TENM3: variants seen among roughly 807,000 people sequenced by gnomAD.
TENM3 encodes the protein teneurin-3.
A neutral mutation model predicts 255.1 loss-of-function variants in TENM3; 63 were observed. That is an observed-to-expected ratio of 0.25 (90% CI 0.20 to 0.30). The LOEUF (loss-of-function observed/expected upper bound fraction) is 0.30, where lower values mean the gene tolerates loss of function less well. Ranked by LOEUF, TENM3 falls within the 10% of genes least tolerant of loss-of-function variation. The probability of loss-of-function intolerance (pLI) is 1.00; values close to 1 mark genes in which losing one functional copy is unlikely to be tolerated. For synonymous variants in TENM3, 1,306 were observed against 1,322.3 expected (o/e 0.99, Z 0.27); for missense variants, 2,929 against 3,461.1 (o/e 0.85, Z 3.86).
chr4:182,553,056 G>A (rs1272252313), intron 3 of TENM3, among the ~76,000 whole-genome samples: 1 of 152,034 alleles, frequency 6.6e-6, no homozygotes, highest in Non-Finnish European at 1.5e-5. Context: ...TAAATATATC[G>A]TAATTTGCTT....
chr4:181,889,724 G>A, the TENM3 span, among the ~76,000 whole-genome samples: 1 of 152,120 alleles, frequency 6.6e-6, no homozygotes, highest in African/African-American at 2.4e-5. Context: ...TTCCATTGTA[G>A]TATTTTCTGG....
intron 19 of TENM3, among the ~76,000 whole-genome samples, chr4:182,747,108 A>G (rs867503704): frequency 3.9e-5 from 6 of 152,312 alleles, no homozygotes; most frequent in Middle Eastern, 6.8e-3. Context: ...TGAGAGGCTT[A>G]GGAACAGGTC....
chr4:182,434,841 T>G (rs1269912164), intron 3 of TENM3, among the ~76,000 whole-genome samples: 1 of 152,118 alleles, frequency 6.6e-6, no homozygotes, highest in Non-Finnish European at 1.5e-5. Flanking sequence ...CCAAGGGTGA[T>G]GATTGGTCAT....
chr4:181,600,878 T>C, the TENM3 span, among the ~76,000 whole-genome samples: 74 of 152,074 alleles, frequency 4.9e-4, no homozygotes, highest in African/African-American at 1.7e-3. Flanking sequence ...AGTCTCAATT[T>C]GGGTTCAGGT....
At chr4:181,785,516 C>T in the TENM3 span, among the ~76,000 whole-genome samples, 21 of 151,990 alleles carry the variant, frequency 1.4e-4, no homozygotes, top group South Asian at 8.3e-4. Context: ...AATATGTATG[C>T]GCATATACAC....
the TENM3 span, among the ~76,000 whole-genome samples, chr4:182,065,084 G>A: frequency 6.7e-6 from 1 of 149,778 alleles, no homozygotes; most frequent in Admixed American, 6.7e-5. Flanking sequence ...GCCCAGGCTG[G>A]AGTGCAGTGG....
intron 3 of TENM3, among the ~76,000 whole-genome samples, chr4:182,457,923 T>G (rs1354938005): frequency 6.6e-6 from 1 of 152,200 alleles, no homozygotes; most frequent in East Asian, 1.9e-4. Context: ...TTGTTTTGAT[T>G]TTAGTCCTAA....
the TENM3 span, among the ~76,000 whole-genome samples, chr4:181,524,940 A>C: frequency 6.6e-6 from 1 of 152,238 alleles, no homozygotes; most frequent in Non-Finnish European, 1.5e-5. Flanking sequence ...AAGTATGCAC[A>C]TGACTCTCAC....
At chr4:182,795,755 G>A in intron 26 of TENM3, among the ~76,000 whole-genome samples, 1 of 152,214 alleles carries the variant, frequency 6.6e-6, no homozygotes, top group East Asian at 1.9e-4. Context: ...GAATGCCATA[G>A]CAGCATTTTC....
the TENM3 span, among the ~76,000 whole-genome samples, chr4:181,586,386 C>T: frequency 1.3e-5 from 2 of 152,140 alleles, no homozygotes; most frequent in Admixed American, 6.5e-5. Flanking sequence ...AATAAGAACA[C>T]GTACTTCACA....
chr4:181,603,346 G>T, the TENM3 span, among the ~76,000 whole-genome samples: 3 of 152,046 alleles, frequency 2.0e-5, no homozygotes, highest in Non-Finnish European at 2.9e-5. Context: ...GCGGTGATGG[G>T]TATAAAGGAG....
chr4:182,731,738 T>TCC (rs1436758067), intron 16 of TENM3, among the ~76,000 whole-genome samples: 2 of 142,632 alleles, frequency 1.4e-5, no homozygotes, highest in African/African-American at 5.3e-5. Flanking sequence ...TGTGTGTGTG[T>TCC]CCTACAGTAG....
the TENM3 span, among the ~76,000 whole-genome samples, chr4:181,862,085 G>A: frequency 1.5e-4 from 23 of 152,040 alleles, no homozygotes; most frequent in Non-Finnish European, 3.2e-4. Flanking sequence ...TTTAAGACGT[G>A]TTTTGTAGAT....
chr4:181,921,676 T>G, the TENM3 span, among the ~76,000 whole-genome samples: 22 of 152,168 alleles, frequency 1.4e-4, no homozygotes, highest in Admixed American at 7.2e-4. Context: ...CATGTCATCT[T>G]CAAACAGGGA....
chr4:181,796,856 C>G, the TENM3 span, among the ~76,000 whole-genome samples: 1 of 152,168 alleles, frequency 6.6e-6, no homozygotes, highest in Non-Finnish European at 1.5e-5. Context: ...TTCATCCTAC[C>G]CAGATATATG....
chr4:181,509,412 CT>C, the TENM3 span, among the ~76,000 whole-genome samples: 21 of 150,972 alleles, frequency 1.4e-4, no homozygotes, highest in Non-Finnish European at 2.8e-4. Flanking sequence ...TTTTTTTACA[CT>C]TTTGGTATTT....
intron 4 of TENM3, among the ~76,000 whole-genome samples, chr4:182,624,898 A>G (rs1373951484): frequency 6.6e-6 from 1 of 152,232 alleles, no homozygotes; most frequent in African/African-American, 2.4e-5. Flanking sequence ...GATTGTAATA[A>G]GCACTTTGAA....
At chr4:181,648,984 C>T in the TENM3 span, among the ~76,000 whole-genome samples, 1 of 152,290 alleles carries the variant, frequency 6.6e-6, no homozygotes, top group South Asian at 2.1e-4. Flanking sequence ...CATTTGTCAG[C>T]CTTTCTCGCA....
chr4:181,648,532 G>A, the TENM3 span, among the ~76,000 whole-genome samples: 1 of 152,268 alleles, frequency 6.6e-6, no homozygotes, highest in South Asian at 2.1e-4. Flanking sequence ...GCAGTTTCTC[G>A]AGTGAGCAAG....
Sources: allele counts gnomAD v4.1 joint callset (sites outside exome capture counted in the v4.1 genomes callset), GRCh38; gene constraint gnomAD v4.1.1; transcripts MANE v1.5; gene names NCBI Gene and HGNC (gene_info 2026-07-23, HGNC 2026-07-21).